Variants in GALNT17 observed in about 807,000 individuals in gnomAD.
GALNT17 encodes polypeptide N-acetylgalactosaminyltransferase 17.
In GALNT17, 29 loss-of-function variants were observed where a neutral mutation model predicts 63.7. The ratio of observed to expected loss-of-function variants is 0.46; its 90% CI spans 0.34 to 0.62. The LOEUF is 0.62. Ranked by LOEUF, GALNT17 falls within the 20% of genes least tolerant of loss-of-function variation. GALNT17 has a pLI of 0.01. For missense variants in GALNT17, 603 were observed against 799.6 expected, an observed-to-expected ratio of 0.75 and a Z score of 2.97; for synonymous variants, 305 against 318.3, an observed-to-expected ratio of 0.96 and a Z score of 0.45.
chr7:71,598,987 C>T (rs1789927821), intron 6 of GALNT17, among the ~76,000 whole-genome samples: 1 of 151,946 alleles, frequency 6.6e-6, no homozygotes, highest in African/African-American at 2.4e-5. Flanking sequence ...AGGCAGAGAG[C>T]AGGACTCATA....
chr7:71,223,590 G>A (rs1789626747), intron 1 of GALNT17, among the ~76,000 whole-genome samples: 1 of 151,882 alleles, frequency 6.6e-6, no homozygotes, highest in Non-Finnish European at 1.5e-5. Context: ...GGGTACATGT[G>A]AAGGTTTGTT....
At chr7:71,280,382 G>T (rs761749316) in intron 1 of GALNT17, among the ~76,000 whole-genome samples, 2 of 152,146 alleles carry the variant, frequency 1.3e-5, no homozygotes, top group African/African-American at 4.8e-5. Context: ...TGGCTCATTT[G>T]TGGCATAGGG....
chr7:71,602,433 T>G (rs34636742), intron 6 of GALNT17, among the ~76,000 whole-genome samples: 6,037 of 152,202 alleles, frequency 0.04, 415 homozygotes, highest in African/African-American at 0.14. Context: ...AGGAAGCCAA[T>G]AAAAGCTGTA....
At chr7:71,634,740 C>A (rs1160573695) in intron 6 of GALNT17, among the ~76,000 whole-genome samples, 1 of 121,314 alleles carries the variant, frequency 8.2e-6, no homozygotes, top group Non-Finnish European at 1.7e-5. Flanking sequence ...GGCGACGGAG[C>A]GAGACTCCAT....
At chr7:71,426,440 T>G (rs1583942441) in intron 5 of GALNT17, among the ~76,000 whole-genome samples, 2 of 152,322 alleles carry the variant, frequency 1.3e-5, no homozygotes, top group South Asian at 4.1e-4. Context: ...CAACTTCCTT[T>G]CTGTTAGGCG....
At chr7:71,361,989 C>T (rs1390391532) in intron 2 of GALNT17, among the ~76,000 whole-genome samples, 2 of 152,076 alleles carry the variant, frequency 1.3e-5, no homozygotes, top group African/African-American at 4.8e-5. Context: ...TGGAGTCTCC[C>T]TCAGTTGCCC....
chr7:71,171,167 A>C (rs748850128), intron 1 of GALNT17, among the ~76,000 whole-genome samples: 1 of 152,228 alleles, frequency 6.6e-6, no homozygotes, highest in Non-Finnish European at 1.5e-5. Flanking sequence ...GATGTGCTCA[A>C]TATCAGTGTT....
intron 5 of GALNT17, among the ~76,000 whole-genome samples, chr7:71,550,464 T>A (rs1180008554): frequency 6.6e-6 from 1 of 152,046 alleles, no homozygotes; most frequent in African/African-American, 2.4e-5. Flanking sequence ...CACTGCAACC[T>A]CTGCCTCCCG....
chr7:71,282,972 TG>T (rs141516049), intron 1 of GALNT17, among the ~76,000 whole-genome samples: 5,398 of 151,856 alleles, frequency 0.036, 337 homozygotes, highest in African/African-American at 0.12. Context: ...TAGAGGGTGG[TG>T]GCTTAGCTGG....
At chr7:71,470,709 G>A (rs1343440963) in intron 5 of GALNT17, among the ~76,000 whole-genome samples, 4 of 152,088 alleles carry the variant, frequency 2.6e-5, no homozygotes, top group African/African-American at 9.7e-5. Flanking sequence ...CAAGTGACTA[G>A]GAATCAAAGT....
chr7:71,620,120 T>C (rs1043111696), intron 6 of GALNT17, among the ~76,000 whole-genome samples: 1 of 152,214 alleles, frequency 6.6e-6, no homozygotes, highest in African/African-American at 2.4e-5. Context: ...GAGCCAGCCT[T>C]GTATCCCAGC....
intron 6 of GALNT17, among the ~76,000 whole-genome samples, chr7:71,576,566 TTTTG>T (rs1554311354): frequency 2.7e-5 from 4 of 150,056 alleles, no homozygotes; most frequent in African/African-American, 7.4e-5. Context: ...TGTGTGTGTG[TTTTG>T]TTTGTTTGTT....
intron 1 of GALNT17, among the ~76,000 whole-genome samples, chr7:71,256,938 T>C (rs1790300321): frequency 6.6e-6 from 1 of 152,164 alleles, no homozygotes; most frequent in Non-Finnish European, 1.5e-5. Context: ...GAGAACATTT[T>C]TGAGCAGGAG....
At chr7:71,263,281 C>T (rs969930822) in intron 1 of GALNT17, among the ~76,000 whole-genome samples, 4 of 151,976 alleles carry the variant, frequency 2.6e-5, no homozygotes, top group Non-Finnish European at 5.9e-5. Context: ...ATCATTTGAA[C>T]CCGGGAGGCG....
chr7:71,633,473 A>T (rs1790486125), intron 6 of GALNT17, among the ~76,000 whole-genome samples: 1 of 152,104 alleles, frequency 6.6e-6, no homozygotes, highest in Non-Finnish European at 1.5e-5. Context: ...CCTTATTCAG[A>T]AGCAAACTTC....
intron 1 of GALNT17, among the ~76,000 whole-genome samples, chr7:71,153,016 A>G (rs1293591000): frequency 6.6e-6 from 1 of 152,168 alleles, no homozygotes; most frequent in Admixed American, 6.5e-5. Context: ...AAAGTTTGAC[A>G]GCATTGACTT....
In GALNT17 at chr7:71,710,770, T is replaced by G; in HGVS notation, c.1510T>G (p.Tyr504Asp). Residue 504 changes from tyrosine (Y) to aspartate (D), a missense_variant, in exon 10 of 11, where the codon TAC becomes GAC. Physicochemically the swap from Tyr to Asp is radical, Grantham distance 160 (BLOSUM62 -3). Coordinates refer to ENST00000333538, the MANE Select transcript of GALNT17 (RefSeq NM_022479.3). ...TCTGGTCTCTCGACAGCTTGCCCGC[T>G]ACACCAAGGAAGGCTTCCTGCACTT... ...CHGWGPQLAR[Y>D]TKEGFLHLGA... is the part of the protein sequence containing the mutation. The G allele has an allele frequency of 6.2e-7, 1 of 1,612,140 alleles. No individual in the cohort carries two copies. Among genetic ancestry groups the G allele is most frequent in the Non-Finnish European group, 8.5e-7 (1 of 1,179,752 alleles).
chr7:71,515,781 C>T (rs1439216192), intron 5 of GALNT17, among the ~76,000 whole-genome samples: 8 of 152,120 alleles, frequency 5.3e-5, no homozygotes, highest in Non-Finnish European at 1.2e-4. Context: ...GGTGAGGATG[C>T]GCCCAGATAA....
chr7:71,700,562 C>T (rs968900039), intron 9 of GALNT17, among the ~76,000 whole-genome samples: 3 of 152,094 alleles, frequency 2.0e-5, no homozygotes, highest in African/African-American at 7.2e-5. Context: ...GACCCAGCTC[C>T]CCCACCTCTA....
Sources: allele counts gnomAD v4.1 joint callset (sites outside exome capture counted in the v4.1 genomes callset), GRCh38; gene constraint gnomAD v4.1.1; transcripts MANE v1.5; gene names NCBI Gene and HGNC (gene_info 2026-07-23, HGNC 2026-07-21).